Variants in LRMDA observed in about 807,000 individuals in gnomAD.
LRMDA encodes leucine-rich melanocyte differentiation-associated protein.
A neutral mutation model predicts 29.8 loss-of-function variants in LRMDA; 18 were observed. That is an observed-to-expected ratio of 0.60 (90% confidence interval 0.42 to 0.90). LRMDA has a LOEUF of 0.90. Ranked by LOEUF, LRMDA falls within the 40% of genes least tolerant of loss-of-function variation. The pLI is 0.00. For synonymous variants in LRMDA, 125 were observed against 109.4 expected, an observed-to-expected ratio of 1.14 and a Z score of -0.89; for missense variants, 273 against 273.9, an observed-to-expected ratio of 1.00 and a Z score of 0.02.
At chr10:75,719,441 A>G (rs1376037172) in intron 2 of LRMDA, among the ~76,000 whole-genome samples, 1 of 152,258 alleles carries the variant, frequency 6.6e-6, no homozygotes, top group Non-Finnish European at 1.5e-5. Flanking sequence ...CCATGTTTAA[A>G]TTAAGTTAGA....
chr10:76,428,662 G>T (rs1158776138), intron 6 of LRMDA, among the ~76,000 whole-genome samples: 1 of 152,128 alleles, frequency 6.6e-6, no homozygotes, highest in Non-Finnish European at 1.5e-5. Context: ...TGAATGAGGA[G>T]GGTAAACCGG....
intron 2 of LRMDA, among the ~76,000 whole-genome samples, chr10:75,680,210 G>A (rs1042664037): frequency 3.3e-5 from 5 of 152,212 alleles, no homozygotes; most frequent in African/African-American, 9.6e-5. Context: ...AGCCTGATAA[G>A]TCTAAATGGA....
rs1395982888 is a variant in LRMDA, at chr10:76,058,559, G to A, written c.399-107G>A. 5.5e-6 allele frequency: 5 copies of A among 909,814 alleles called. 1 individual carries two copies. The highest frequency in any genetic ancestry group is 4.8e-5 in the East Asian group (2 of 41,296). The allele number at this position is 909,814 out of a possible 1,614,324, so 56.4% of individuals were successfully genotyped here. On this transcript the variant is annotated intron_variant, in intron 4 of 6. Coordinates refer to ENST00000611255, the MANE Select transcript of LRMDA (RefSeq NM_001305581.2). ...GAGAGGAGGCGCAGCCAAGGTCTAAGTTCCAGAAGACCGGATGGTGTGGAT... is the reference window on the plus strand; with the variant it reads ...GAGAGGAGGCGCAGCCAAGGTCTAAATTCCAGAAGACCGGATGGTGTGGAT...
intron 6 of LRMDA, among the ~76,000 whole-genome samples, chr10:76,439,272 G>T (rs1255800722): frequency 6.6e-6 from 1 of 152,108 alleles, no homozygotes; most frequent in Admixed American, 6.5e-5. Flanking sequence ...AAATTTCAGG[G>T]AAGGTTTTAT....
chr10:76,435,832 G>A (rs186930233), intron 6 of LRMDA, among the ~76,000 whole-genome samples: 2 of 152,234 alleles, frequency 1.3e-5, no homozygotes, highest in East Asian at 3.9e-4. Context: ...ATGAAGATTC[G>A]GTCTCTCATA....
At chr10:76,146,784 T>G (rs922665979) in intron 5 of LRMDA, among the ~76,000 whole-genome samples, 1 of 152,214 alleles carries the variant, frequency 6.6e-6, no homozygotes, top group Non-Finnish European at 1.5e-5. Flanking sequence ...CTAGCCTTGA[T>G]AGTCTTTACA....
Position 75,682,455 on chromosome 10 carries a change from G to GAC in LRMDA, c.131+243974_131+243975dup, listed in dbSNP as rs144026201. ...TGGGGGTGTGTGTGTGTGTGAGACA[G>GAC]ACACACACACACACTCAATACCAAT... On this transcript the variant is annotated intron_variant, in intron 2 of 6. Transcript: ENST00000611255. Among the ~76,000 whole-genome samples the GAC allele has an allele frequency of 4.2e-4, 63 of 151,160 alleles. No homozygotes were observed. In the South Asian group the frequency reaches 5.0e-3, roughly 12 times the overall value.
chr10:75,470,972 T>A (rs1844718710), intron 2 of LRMDA, among the ~76,000 whole-genome samples: 1 of 152,160 alleles, frequency 6.6e-6, no homozygotes. Flanking sequence ...CACATGTGCT[T>A]GGTGCAGAGC....
chr10:76,107,233 C>A (rs1331932135), intron 5 of LRMDA, among the ~76,000 whole-genome samples: 1 of 152,152 alleles, frequency 6.6e-6, no homozygotes, highest in African/African-American at 2.4e-5. Context: ...TCTAAAACTG[C>A]AGCTTGCAGG....
Position 75,830,124 on chromosome 10 carries a change from A to G in LRMDA, c.132-205884A>G, listed in dbSNP as rs569116124. The stretch of plus-strand genomic sequence containing the variant: ...TTATGAGCATTACTTGGGAAAATAT[A>G]TCGAACCACCTTAAACGTCCATTTC... On this transcript the variant is annotated intron_variant, in intron 2 of 6. Transcript: ENST00000611255. 2.6e-5 allele frequency among the ~76,000 whole-genome samples: 4 copies of G among 152,204 alleles called. No homozygotes were observed. In the East Asian group the frequency reaches 5.8e-4, roughly 22 times the overall value.
chr10:76,219,477 T>C (rs1218615832), intron 5 of LRMDA, among the ~76,000 whole-genome samples: 1 of 152,112 alleles, frequency 6.6e-6, no homozygotes, highest in Non-Finnish European at 1.5e-5. Context: ...TAGTCTCTGA[T>C]AAAACAGACT....
intron 4 of LRMDA, among the ~76,000 whole-genome samples, chr10:76,054,918 G>A (rs1381090664): frequency 1.3e-5 from 2 of 151,512 alleles, no homozygotes; most frequent in African/African-American, 4.9e-5. Flanking sequence ...ACAAAAATAA[G>A]CCAGGAGTAG....
At chr10:75,829,627 C>T (rs1844304964) in intron 2 of LRMDA, among the ~76,000 whole-genome samples, 1 of 151,760 alleles carries the variant, frequency 6.6e-6, no homozygotes, top group Admixed American at 6.6e-5. Context: ...ATGTTAGTAA[C>T]ACTTCTAAAG....
In LRMDA at chr10:76,218,372, A is replaced by T. The variant is rs575285395; in HGVS notation, c.517-106029A>T. Among the ~76,000 whole-genome samples, 4 of 152,336 alleles carry T rather than the reference A, an allele frequency of 2.6e-5. No individual in the cohort carries two copies. In the South Asian group the frequency reaches 8.3e-4, roughly 32 times the overall value. ...ATGATGGCAGTGCCGAGAGACCCGG[A>T]AGATATTAAAATAAAAACAGCTTGT... is the stretch of plus-strand genomic sequence containing the variant. On this transcript the variant is annotated intron_variant, in intron 5 of 6. Transcript: ENST00000611255.
rs183356384 is a variant in LRMDA at position 75,478,755 on chromosome 10, A to G, written c.131+40261A>G. 7.2e-5 allele frequency among the ~76,000 whole-genome samples: 11 copies of G among 152,292 alleles called. No homozygotes were observed. The East Asian group carries it at 1.9e-3, about 27-fold the overall frequency. On this transcript the variant is annotated intron_variant, in intron 2 of 6. Coordinates refer to ENST00000611255, the MANE Select transcript of LRMDA (RefSeq NM_001305581.2). ...TCCGTGGAAATTGGTGCATTTTTACAAGGTATGGAGATATTGTCCCACCTG... is the reference window on the plus strand; with the variant it reads ...TCCGTGGAAATTGGTGCATTTTTACGAGGTATGGAGATATTGTCCCACCTG...
chr10:76,173,073 T>C (rs1850867856), intron 5 of LRMDA, among the ~76,000 whole-genome samples: 1 of 151,426 alleles, frequency 6.6e-6, no homozygotes, highest in Non-Finnish European at 1.5e-5. Context: ...AAAAAGATAA[T>C]GAGCATCAGA....
rs1455160024 is a variant in LRMDA at position 76,072,860 on chromosome 10, G to A, written c.516+14077G>A. Among the ~76,000 whole-genome samples, 3 of 152,360 alleles carry A rather than the reference G, an allele frequency of 2.0e-5. No homozygotes were observed. In the South Asian group the frequency reaches 6.2e-4, roughly 32 times the overall value. On this transcript the variant is annotated intron_variant, in intron 5 of 6. Coordinates refer to ENST00000611255, the MANE Select transcript of LRMDA (RefSeq NM_001305581.2). ...AAGGTCTTTGAGTACTTCTGCTGCT[G>A]CTGTGTGTGAATGCATCTGCAGACC...
chr10:76,248,281 T>C (rs1241206877), intron 5 of LRMDA, among the ~76,000 whole-genome samples: 1 of 152,180 alleles, frequency 6.6e-6, no homozygotes, highest in Non-Finnish European at 1.5e-5. Context: ...CAACCAAGAA[T>C]GATCAAGTCT....
Position 76,038,578 on chromosome 10 carries a change from T to C in LRMDA, c.258+2444T>C, listed in dbSNP as rs114162051. Among the ~76,000 whole-genome samples the C allele has an allele frequency of 3.7e-3, 558 of 152,350 alleles. 1 individual carries two copies. Among genetic ancestry groups the C allele is most frequent in the African/African-American group, 0.013 (545 of 41,588 alleles). On this transcript the variant is annotated intron_variant, in intron 3 of 6. Coordinates refer to ENST00000611255, the MANE Select transcript of LRMDA (RefSeq NM_001305581.2). Reference sequence around the variant, plus strand: ...GTGATTGTGAAGATCATCTTCCCCATCTACTTGACTCAGAAGTCACAGAGA... The same window carrying C: ...GTGATTGTGAAGATCATCTTCCCCACCTACTTGACTCAGAAGTCACAGAGA...
Sources: allele counts gnomAD v4.1 joint callset (sites outside exome capture counted in the v4.1 genomes callset), GRCh38; gene constraint gnomAD v4.1.1; transcripts MANE v1.5; gene names NCBI Gene and HGNC (gene_info 2026-07-23, HGNC 2026-07-21).